Variants in ADCY2 observed in about 807,000 individuals in gnomAD.
ADCY2 encodes the protein adenylate cyclase 2.
A neutral mutation model predicts 125.2 loss-of-function variants in ADCY2; 31 were observed. The ratio of observed to expected loss-of-function variants is 0.25; its 90% CI spans 0.19 to 0.33. The LOEUF (loss-of-function observed/expected upper bound fraction) is 0.33. Among genes scored for constraint, ADCY2 ranks in the 10% least tolerant of loss-of-function variants. ADCY2 has a pLI of 1.00. For synonymous variants in ADCY2, 512 were observed against 548.4 expected (o/e 0.93, Z 0.93); for missense variants, 904 against 1,418.2 (o/e 0.64, Z 5.82).
intron 17 of ADCY2, among the ~76,000 whole-genome samples, chr5:7,768,227 G>A (rs1743453322): frequency 6.6e-6 from 1 of 152,216 alleles, no homozygotes; most frequent in Non-Finnish European, 1.5e-5. Context: ...ACTCCAGTAA[G>A]GGCTAGGCGT....
chr5:7,511,833 T>C (rs1744072642), intron 2 of ADCY2, among the ~76,000 whole-genome samples: 1 of 151,792 alleles, frequency 6.6e-6, no homozygotes, highest in Non-Finnish European at 1.5e-5. Flanking sequence ...TGGGAGTTGG[T>C]AGGATGGGAG....
Position 7,709,515 on chromosome 5 carries a change from C to A in ADCY2, c.1578+128C>A. 1 of 1,126,964 alleles carries A rather than the reference C, an allele frequency of 8.9e-7. No homozygotes were observed. Among genetic ancestry groups the A allele is most frequent in the Non-Finnish European group, 1.2e-6 (1 of 819,432 alleles). The allele number at this position is 1,126,964 out of a possible 1,614,324, so 69.8% of individuals were successfully genotyped here. ...AACAAACTTATCACCTTCTTCTTCT[C>A]AGAGAGGCCCTTATGAACAACCATC... On this transcript the variant is annotated intron_variant, in intron 10 of 24. Coordinates refer to ENST00000338316, the MANE Select transcript of ADCY2 (RefSeq NM_020546.3). This position sits in a 1 kb window ranked among gnomAD's most constrained non-coding sequence, Gnocchi z 4.4.
intron 21 of ADCY2, among the ~76,000 whole-genome samples, chr5:7,804,367 A>G (rs562006928): frequency 6.6e-6 from 1 of 152,320 alleles, no homozygotes; most frequent in East Asian, 1.9e-4. Flanking sequence ...GTTCCTTGGA[A>G]GTAAATCATT....
chr5:7,458,099 G>C (rs1284288714), intron 2 of ADCY2, among the ~76,000 whole-genome samples: 1 of 152,170 alleles, frequency 6.6e-6, no homozygotes, highest in African/African-American at 2.4e-5. Flanking sequence ...TGGGGGAATG[G>C]TGGTATATAA....
At chr5:7,675,585 G>A (rs895673830) in intron 4 of ADCY2, among the ~76,000 whole-genome samples, 1 of 152,224 alleles carries the variant, frequency 6.6e-6, no homozygotes, top group African/African-American at 2.4e-5. Context: ...AAGGTTTTCT[G>A]CAAACCAGGC....
At chr5:7,505,954 A>G (rs1386026891) in intron 2 of ADCY2, among the ~76,000 whole-genome samples, 2 of 151,726 alleles carry the variant, frequency 1.3e-5, no homozygotes, top group Non-Finnish European at 2.9e-5. Flanking sequence ...GCCCTTTTAT[A>G]TAACATTTTA....
intron 3 of ADCY2, among the ~76,000 whole-genome samples, chr5:7,554,395 A>G (rs779319391): frequency 1.3e-5 from 2 of 152,218 alleles, no homozygotes; most frequent in Non-Finnish European, 2.9e-5. Context: ...TGGGGACAAT[A>G]TGCTATTCTT....
intron 2 of ADCY2, among the ~76,000 whole-genome samples, chr5:7,445,484 T>C (rs1188151155): frequency 2.0e-5 from 3 of 152,238 alleles, no homozygotes; most frequent in Non-Finnish European, 4.4e-5. Flanking sequence ...ATATTACACA[T>C]TTTATAATGG....
intron 13 of ADCY2, 131 bp from the exon 14 acceptor site, chr5:7,727,033 A>C: frequency 1.6e-6 from 1 of 640,518 alleles, no homozygotes. Context: ...CTTTCTCCTT[A>C]GCTCACGTTG....
chr5:7,717,194 A>C lies in ADCY2; in HGVS notation c.1660A>C (p.Asn554His), dbSNP rs755727882. ...AAAGAAGAGATTTGAAGAAGAATTG[A>C]ATGAAAGGATGATTCAAGCAATTGA... ...SQKKRFEEEL[N>H]ERMIQAIDGI... is the part of the protein sequence containing the mutation. The change falls in exon 12 of 25, where the codon AAT becomes CAT. Residue 554 changes from asparagine to histidine, a missense_variant. This residue lies in a region of ADCY2 where 144 missense variants were observed against 227.7 expected (regional missense o/e 0.63). Coordinates refer to ENST00000338316, the MANE Select transcript of ADCY2 (RefSeq NM_020546.3). The C allele has an allele frequency of 3.1e-6, 5 of 1,611,522 alleles. No individual in the cohort carries two copies. The highest frequency in any genetic ancestry group is 4.2e-6 in the Non-Finnish European group (5 of 1,178,362).
intron 4 of ADCY2, among the ~76,000 whole-genome samples, chr5:7,647,803 C>A (rs1171832464): frequency 6.6e-6 from 1 of 152,218 alleles, no homozygotes; most frequent in East Asian, 1.9e-4. Flanking sequence ...ACTCATCAAT[C>A]CTATCTGCTG....
In ADCY2 at chr5:7,752,798, A is replaced by G. The variant is rs186271437; in HGVS notation, c.1957-4651A>G. On this transcript the variant is annotated intron_variant, in intron 15 of 24. Transcript: ENST00000338316. Reference sequence around the variant, plus strand: ...TTTTGTTTTTCTGAGGAAGATCTGCATGTACTGGATTAAGAACATTGGGAT... The same window carrying G: ...TTTTGTTTTTCTGAGGAAGATCTGCGTGTACTGGATTAAGAACATTGGGAT... 5.5e-3 allele frequency among the ~76,000 whole-genome samples: 840 copies of G among 151,506 alleles called. 9 individuals carry two copies. The highest frequency in any genetic ancestry group is 0.018 in the African/African-American group (764 of 41,334).
At chr5:7,518,558 G>GA (rs933056853) in intron 2 of ADCY2, among the ~76,000 whole-genome samples, 2 of 152,088 alleles carry the variant, frequency 1.3e-5, no homozygotes, top group African/African-American at 4.8e-5. Context: ...ATATTTACCA[G>GA]AAAAAAATAT....
chr5:7,593,158 A>T (rs1225721450), intron 3 of ADCY2, among the ~76,000 whole-genome samples: 5 of 152,156 alleles, frequency 3.3e-5, no homozygotes, highest in Non-Finnish European at 7.3e-5. Context: ...ACCTTGAAGG[A>T]GTGAAGTTTT....
At chr5:7,531,917 G>T (rs1005572221) in intron 3 of ADCY2, among the ~76,000 whole-genome samples, 1 of 152,160 alleles carries the variant, frequency 6.6e-6, no homozygotes, top group East Asian at 1.9e-4. Context: ...GACTGCACTT[G>T]TACTTCTTTC....
intron 4 of ADCY2, among the ~76,000 whole-genome samples, chr5:7,632,340 C>G (rs141750247): frequency 6.6e-6 from 1 of 152,270 alleles, no homozygotes; most frequent in East Asian, 1.9e-4. Context: ...TTTATTAAAT[C>G]ATTAGTTGTG....
chr5:7,717,271 C>A, intron 12 of ADCY2, 34 bp downstream of exon 12: 1 of 1,486,080 alleles, frequency 6.7e-7, no homozygotes, highest in Non-Finnish European at 9.3e-7. Context: ...TATCTTTCAT[C>A]TTTTATTATG....
intron 14 of ADCY2, among the ~76,000 whole-genome samples, chr5:7,740,450 A>T (rs1742375764): frequency 6.6e-6 from 1 of 152,040 alleles, no homozygotes; most frequent in Non-Finnish European, 1.5e-5. Flanking sequence ...CCCATTAGGG[A>T]TTTGACTAAC....
chr5:7,687,577 A>G (rs932168778), intron 4 of ADCY2, among the ~76,000 whole-genome samples: 1 of 152,210 alleles, frequency 6.6e-6, no homozygotes, highest in African/African-American at 2.4e-5. Flanking sequence ...GCAGGGCTCA[A>G]TCTTGCCTGG....
Sources: allele counts gnomAD v4.1 joint callset (sites outside exome capture counted in the v4.1 genomes callset), GRCh38; gene constraint gnomAD v4.1.1; regional missense constraint gnomAD v4.1.1; non-coding constraint Gnocchi (gnomAD v3.1); transcripts MANE v1.5; gene names NCBI Gene and HGNC (gene_info 2026-07-23, HGNC 2026-07-21).